CCDC171: variants seen among roughly 807,000 people sequenced by gnomAD.
The protein encoded by CCDC171 is coiled-coil domain-containing protein 171.
CCDC171 carries 177 observed loss-of-function variants against 168.2 expected under a neutral mutation model. The observed-to-expected ratio is 1.05, with a 90% CI of 0.93 to 1.19. The LOEUF (loss-of-function observed/expected upper bound fraction) is 1.19, where lower values mean the gene tolerates loss of function less well. CCDC171 is among the 50% of genes most tolerant of loss of function. The probability of loss-of-function intolerance (pLI) is 0.00; values close to 1 mark genes in which losing one functional copy is unlikely to be tolerated. For synonymous variants in CCDC171, 687 were observed against 540.8 expected (o/e 1.27, Z -3.75); for missense variants, 1,991 against 1,539.0 (o/e 1.29, Z -4.91).
At chr9:15,729,235 T>C (rs757620423) in intron 15 of CCDC171, among the ~76,000 whole-genome samples, 17 of 152,190 alleles carry the variant, frequency 1.1e-4, no homozygotes, top group Non-Finnish European at 1.6e-4. Flanking sequence ...TCATGTAAAC[T>C]GTTTGCAGAT....
At chr9:15,834,710 G>A (rs142883524) in intron 21 of CCDC171, among the ~76,000 whole-genome samples, 4 of 152,306 alleles carry the variant, frequency 2.6e-5, no homozygotes, top group Non-Finnish European at 5.9e-5. Flanking sequence ...AAAGGGTAAA[G>A]CATATTTGTC....
chr9:15,779,261 G>C (rs12378499), intron 20 of CCDC171, 111 bp downstream of exon 20: 273,896 of 572,630 alleles, frequency 0.48, 66,772 homozygotes, highest in South Asian at 0.56. Flanking sequence ...TAATTCAAAA[G>C]CCTATTAATA....
chr9:15,988,632 T>C (rs1223264244), intron 3 of CCDC171, among the ~76,000 whole-genome samples: 2 of 152,102 alleles, frequency 1.3e-5, no homozygotes, highest in Non-Finnish European at 1.5e-5. Flanking sequence ...GGGCGAGGCA[T>C]CGCCTCACCC....
chr9:15,903,436 C>A (rs1276803333), intron 24 of CCDC171, among the ~76,000 whole-genome samples: 1 of 152,186 alleles, frequency 6.6e-6, no homozygotes, highest in Non-Finnish European at 1.5e-5. Context: ...TGGAGTAGAC[C>A]TCCAGCAAAC....
At chr9:16,038,420 A>G (rs1833511571), upstream of CCDC171, among the ~76,000 whole-genome samples, 2 of 152,154 alleles carry the variant, frequency 1.3e-5, no homozygotes, top group Admixed American at 6.5e-5. Flanking sequence ...ACAATAATAG[A>G]TAAAATGGGT....
At chr9:15,924,490 A>G (rs1203116403) in intron 25 of CCDC171, among the ~76,000 whole-genome samples, 1 of 151,364 alleles carries the variant, frequency 6.6e-6, no homozygotes, top group Non-Finnish European at 1.5e-5. Context: ...ATCTTGATAG[A>G]AAGTCATTGG....
chr9:15,932,379 C>T (rs560549860), intron 25 of CCDC171, among the ~76,000 whole-genome samples: 5 of 151,600 alleles, frequency 3.3e-5, no homozygotes, highest in South Asian at 2.1e-4. Flanking sequence ...CTATTGTAAA[C>T]GGAATTGTTT....
intron 4 of CCDC171, among the ~76,000 whole-genome samples, chr9:15,583,061 A>G (rs2041258112): frequency 6.6e-6 from 1 of 152,158 alleles, no homozygotes; most frequent in African/African-American, 2.4e-5. Context: ...CAGCAGCACA[A>G]TTCACAATTG....
chr9:15,571,577 G>A (rs1452323071), intron 2 of CCDC171, 47 bp from the exon 3 acceptor site: 3 of 1,409,238 alleles, frequency 2.1e-6, no homozygotes, highest in East Asian at 2.6e-5. Context: ...GCTCTGAAAT[G>A]TGCTTTATGA....
At chr9:15,738,615 A>G (rs552712395) in intron 16 of CCDC171, among the ~76,000 whole-genome samples, 3 of 152,006 alleles carry the variant, frequency 2.0e-5, no homozygotes, top group African/African-American at 4.8e-5. Context: ...GGTGGAAAAC[A>G]TTCGATTTTT....
At chr9:15,592,230 G>A (rs1234034660) in intron 5 of CCDC171, among the ~76,000 whole-genome samples, 9 of 151,818 alleles carry the variant, frequency 5.9e-5, no homozygotes, top group Admixed American at 5.9e-4. Flanking sequence ...TAGGGAGGTT[G>A]AGGTGGGAAG....
At chr9:16,027,001 A>G (rs1161977835) in intron 6 of CCDC171, among the ~76,000 whole-genome samples, 1 of 152,188 alleles carries the variant, frequency 6.6e-6, no homozygotes, top group African/African-American at 2.4e-5. Context: ...TAGTGGGCCT[A>G]TGCCTCGGGC....
chr9:15,774,789 A>G (rs1401984018), intron 18 of CCDC171, among the ~76,000 whole-genome samples: 1 of 152,276 alleles, frequency 6.6e-6, no homozygotes, highest in East Asian at 1.9e-4. Context: ...AAGGAACGAA[A>G]TAATGGCATT....
rs893109134 is a variant in CCDC171 at position 16,003,141 on chromosome 9, A to G, written n.369-17448A>G. Among the ~76,000 whole-genome samples the G allele has an allele frequency of 7.1e-4, 108 of 152,220 alleles. 1 individual carries two copies. The highest frequency in any genetic ancestry group is 2.4e-3 in the African/African-American group (99 of 41,458). On this transcript the variant is annotated intron_variant and non_coding_transcript_variant, in intron 3 of 9. Coordinates refer to the CCDC171 transcript ENST00000486641. ...TTAGTGATTGTAAAAAAGAAAAATC[A>G]AAAAGAAAACATCCCAACTTCCCAC...
chr9:15,954,920 A>C (rs565400966), intron 25 of CCDC171, among the ~76,000 whole-genome samples: 57 of 152,086 alleles, frequency 3.7e-4, no homozygotes, highest in African/African-American at 1.3e-3. Flanking sequence ...CCTGCCATCA[A>C]ATCTTCTTCA....
downstream of CCDC171, among the ~76,000 whole-genome samples, chr9:15,975,282 T>C (rs1378972155): frequency 6.6e-6 from 1 of 152,146 alleles, no homozygotes; most frequent in African/African-American, 2.4e-5. Flanking sequence ...ACCTAGGAAT[T>C]AGTAAGCCTA....
chr9:15,702,068 T>TA (rs1423758514), intron 11 of CCDC171, among the ~76,000 whole-genome samples: 1 of 152,230 alleles, frequency 6.6e-6, no homozygotes, highest in Non-Finnish European at 1.5e-5. Flanking sequence ...AAAACAACAT[T>TA]AATCTCCTTA....
chr9:15,785,301 A>C (rs1259410568), intron 21 of CCDC171, among the ~76,000 whole-genome samples: 3 of 152,110 alleles, frequency 2.0e-5, no homozygotes, highest in Non-Finnish European at 4.4e-5. Flanking sequence ...AAACTTGTGG[A>C]TTTTTCACTA....
intron 3 of CCDC171, among the ~76,000 whole-genome samples, chr9:15,993,331 A>G (rs985688376): frequency 2.6e-5 from 4 of 152,234 alleles, no homozygotes; most frequent in Non-Finnish European, 5.9e-5. Flanking sequence ...CCTGACAAAA[A>G]CAAGCAATGG....
Sources: gnomAD v4.1 joint callset for allele counts (sites outside exome capture counted in the v4.1 genomes callset) on GRCh38, gnomAD v4.1.1 for gene constraint, MANE v1.5 for transcripts, NCBI Gene and HGNC (gene_info 2026-07-23, HGNC 2026-07-21) for gene names.